GABRA5: variants seen among roughly 807,000 people sequenced by gnomAD.
GABRA5 encodes gamma-aminobutyric acid type A receptor subunit alpha5, also known as gamma-aminobutyric acid receptor subunit alpha-5.
GABRA5 carries 18 observed loss-of-function variants against 47.3 expected under a neutral mutation model. The observed-to-expected ratio is 0.38, with a 90% CI of 0.26 to 0.56. GABRA5 has a LOEUF of 0.56. GABRA5 is among the 20% of genes least tolerant of loss of function. GABRA5 has a pLI of 0.71. For missense variants in GABRA5, 365 were observed against 599.3 expected (o/e 0.61, Z 4.08); for synonymous variants, 237 against 229.3 (o/e 1.03, Z -0.30).
chr15:26,876,172 C>T (rs1892592883), intron 3 of GABRA5, among the ~76,000 whole-genome samples: 1 of 152,140 alleles, frequency 6.6e-6, no homozygotes, highest in Non-Finnish European at 1.5e-5. Flanking sequence ...GGTTTGGGTA[C>T]AGAAGGTCAC....
At chr15:26,926,485 G>C (rs1050324403) in intron 7 of GABRA5, among the ~76,000 whole-genome samples, 1 of 152,070 alleles carries the variant, frequency 6.6e-6, no homozygotes, top group African/African-American at 2.4e-5. Context: ...ACATTTATTT[G>C]AGGAGGCCAG....
chr15:26,902,047 A>G (rs554105709), intron 6 of GABRA5, among the ~76,000 whole-genome samples: 1 of 152,124 alleles, frequency 6.6e-6, no homozygotes, highest in South Asian at 2.1e-4. Context: ...CTTGATTACT[A>G]TAGCTTTATA....
chr15:26,893,373 G>GTGTGTGCAT (rs1180226457), intron 6 of GABRA5, among the ~76,000 whole-genome samples: 1 of 3,196 alleles, frequency 3.1e-4, no homozygotes, highest in Non-Finnish European at 6.5e-4. Context: ...TGTAGCGTGT[G>GTGTGTGCAT]GCGGGACTAT....
At chr15:26,916,895 G>T (rs1481448710) in intron 7 of GABRA5, among the ~76,000 whole-genome samples, 2 of 151,938 alleles carry the variant, frequency 1.3e-5, no homozygotes. Flanking sequence ...ATATAGAAAT[G>T]GAACTGATTT....
At chr15:26,884,177 AGATTCT>A (rs1377624761) in intron 6 of GABRA5, among the ~76,000 whole-genome samples, 1 of 151,686 alleles carries the variant, frequency 6.6e-6, no homozygotes. Context: ...TGACAGAGTG[AGATTCT>A]GTCTCGAAAA....
chr15:26,885,214 G>A (rs1014062074), intron 6 of GABRA5, among the ~76,000 whole-genome samples: 1 of 151,830 alleles, frequency 6.6e-6, no homozygotes, highest in Admixed American at 6.6e-5. Context: ...CAGGAAAATG[G>A]CGTGAACCTG....
intron 6 of GABRA5, among the ~76,000 whole-genome samples, chr15:26,890,624 CAG>C (rs539131954): frequency 4.7e-4 from 72 of 152,254 alleles, no homozygotes; most frequent in Non-Finnish European, 1.0e-3. Flanking sequence ...TCACTGAAGA[CAG>C]AGACTTTGCA....
intron 7 of GABRA5, among the ~76,000 whole-genome samples, chr15:26,935,308 GT>G (rs1894210730): frequency 6.6e-6 from 1 of 152,224 alleles, no homozygotes; most frequent in African/African-American, 2.4e-5. Flanking sequence ...ACAAGATCAC[GT>G]GAATTATGAT....
chr15:26,869,069 G>A (rs1892398055), intron 2 of GABRA5, 106 bp from the exon 3 acceptor site: 3 of 572,024 alleles, frequency 5.2e-6, no homozygotes, highest in Non-Finnish European at 9.5e-6. Context: ...AGGACAGCGG[G>A]CTCCTTTCTT....
At chr15:26,927,408 G>A (rs993516102) in intron 7 of GABRA5, among the ~76,000 whole-genome samples, 2 of 151,996 alleles carry the variant, frequency 1.3e-5, no homozygotes, top group African/African-American at 2.4e-5. Context: ...CACTGCGCCC[G>A]GCATATCTGC....
Position 26,948,040 on chromosome 15 carries a change from A to G in GABRA5, c.1196A>G (p.Asn399Ser). 6.2e-7 allele frequency: 1 copy of G among 1,607,662 alleles called. No individual in the cohort carries two copies. The highest frequency in any genetic ancestry group is 8.5e-7 in the Non-Finnish European group (1 of 1,176,756). Residue 399 changes from asparagine to serine, a missense_variant, in exon 11 of 11, where the codon AAT (asparagine) becomes AGT (serine). Transcript: ENST00000335625. ...GAACAGACCCCAGCAGGGACGTCGA[A>G]TACAACCTCAGTCTCAGTAAAACCC... ...PKEQTPAGTS[N>S]TTSVSVKPSE... is the part of the protein sequence containing the mutation.
chr15:26,919,956 A>T (rs949002186), intron 7 of GABRA5, among the ~76,000 whole-genome samples: 6 of 69,362 alleles, frequency 8.7e-5, no homozygotes, highest in East Asian at 4.6e-4. Context: ...GATTTCTGAT[A>T]AAAAAAAATC....
At chr15:26,929,413 G>C (rs1300905723) in intron 7 of GABRA5, among the ~76,000 whole-genome samples, 2 of 152,228 alleles carry the variant, frequency 1.3e-5, no homozygotes, top group East Asian at 1.9e-4. Flanking sequence ...TTGCCCTGCA[G>C]ACCCATGGGG....
chr15:26,893,256 TTGTGTGTGTATGG>T (rs1893063876), intron 6 of GABRA5, among the ~76,000 whole-genome samples: 1 of 143,004 alleles, frequency 7.0e-6, no homozygotes, highest in Non-Finnish European at 1.5e-5. Context: ...ATATGGTGTG[TTGTGTGTGTATGG>T]TGTGTGTGTA....
rs1443605214 is a variant in GABRA5 at position 26,867,843 on chromosome 15, G to A, written c.-140+732G>A. The A allele has an allele frequency of 6.6e-6, 1 of 152,146 alleles. No homozygotes were observed. The highest frequency in any genetic ancestry group is 1.5e-5 in the Non-Finnish European group (1 of 68,054). 9.4% of individuals were successfully genotyped at this position (152,146 alleles called of 1,614,324 possible). On this transcript the variant is annotated intron_variant, in intron 1 of 10. Transcript: ENST00000335625. This position sits in a 1 kb window ranked among gnomAD's most constrained non-coding sequence, Gnocchi z 5.9. ...TCGCGCGGGCTGCTCGAGGCCAGGG[G>A]ACTTGGAGTCGCTGCTGCACCGCGC...
At chr15:26,921,185 T>G (rs903696261) in intron 7 of GABRA5, among the ~76,000 whole-genome samples, 1 of 152,146 alleles carries the variant, frequency 6.6e-6, no homozygotes, top group Non-Finnish European at 1.5e-5. Flanking sequence ...TAGAAAATAC[T>G]GTATAGAATA....
intron 6 of GABRA5, among the ~76,000 whole-genome samples, chr15:26,884,414 A>G (rs1892824296): frequency 6.6e-6 from 1 of 152,194 alleles, no homozygotes. Context: ...AGGCTCCTTT[A>G]GAGTTTTTCA....
intron 6 of GABRA5, among the ~76,000 whole-genome samples, chr15:26,914,362 A>G (rs145142143): frequency 0.028 from 4,244 of 152,210 alleles, 141 homozygotes; most frequent in African/African-American, 0.081. Flanking sequence ...TATTACTTCA[A>G]CTTTTTCTGT....
chr15:26,879,435 G>A (rs1397847394), intron 3 of GABRA5, among the ~76,000 whole-genome samples: 1 of 152,128 alleles, frequency 6.6e-6, no homozygotes, highest in East Asian at 1.9e-4. Context: ...TGGAGAAAGG[G>A]GAATTTAATG....
Sources: allele counts gnomAD v4.1 joint callset (sites outside exome capture counted in the v4.1 genomes callset), GRCh38; gene constraint gnomAD v4.1.1; non-coding constraint Gnocchi (gnomAD v3.1); transcripts MANE v1.5; gene names NCBI Gene and HGNC (gene_info 2026-07-23, HGNC 2026-07-21).